DDX31: variants seen among roughly 807,000 people sequenced by gnomAD.
The protein encoded by DDX31 is DEAD-box helicase 31, also known as ATP-dependent DNA helicase DDX31.
A neutral mutation model predicts 91.3 loss-of-function variants in DDX31; 70 were observed. The ratio of observed to expected loss-of-function variants is 0.77; its 90% confidence interval spans 0.63 to 0.94. The LOEUF (loss-of-function observed/expected upper bound fraction) is 0.94. DDX31 is among the 40% of genes least tolerant of loss of function. The pLI is 0.00. For synonymous variants in DDX31, 362 were observed against 350.6 expected (o/e 1.03, Z -0.36); for missense variants, 902 against 925.0 (o/e 0.98, Z 0.32).
intron 9 of DDX31, 69 bp downstream of exon 9, chr9:132,650,165 C>G: frequency 2.7e-6 from 4 of 1,484,102 alleles, no homozygotes; most frequent in Non-Finnish European, 3.8e-6. Context: ...TTAGAAGGAC[C>G]CAGCCTTACT....
intron 19 of DDX31, among the ~76,000 whole-genome samples, chr9:132,600,939 A>C (rs965860209): frequency 6.6e-6 from 1 of 152,240 alleles, no homozygotes; most frequent in African/African-American, 2.4e-5. Context: ...AACAGCCTAC[A>C]GTGCGTTAGA....
chr9:132,656,368 A>AT (rs1834565288), intron 6 of DDX31, among the ~76,000 whole-genome samples: 2 of 152,186 alleles, frequency 1.3e-5, no homozygotes, highest in South Asian at 4.1e-4. Context: ...CCTGTTCGTG[A>AT]TTTTTTAAAA....
intron 1 of DDX31, among the ~76,000 whole-genome samples, chr9:132,666,693 G>T: frequency 6.7e-6 from 1 of 149,554 alleles, no homozygotes; most frequent in Non-Finnish European, 1.5e-5. Context: ...AGCTATTTTT[G>T]TGTTTGTTTT....
intron 19 of DDX31, among the ~76,000 whole-genome samples, chr9:132,606,396 C>A (rs542027201): frequency 6.6e-6 from 1 of 152,152 alleles, no homozygotes; most frequent in Non-Finnish European, 1.5e-5. Context: ...TTGAGGGACT[C>A]GGTTCCATGT....
chr9:132,661,355 G>A, intron 3 of DDX31, 104 bp from the exon 4 acceptor site: 1 of 1,012,674 alleles, frequency 9.9e-7, no homozygotes, highest in Non-Finnish European at 1.5e-6. Context: ...TGACTACTAT[G>A]ATCAAATTAA....
intron 16 of DDX31, among the ~76,000 whole-genome samples, chr9:132,626,316 A>T (rs747441422): frequency 1.2e-4 from 18 of 152,184 alleles, no homozygotes; most frequent in Non-Finnish European, 1.3e-4. Flanking sequence ...AGACCAAAGG[A>T]TCTCTAACGA....
chr9:132,599,438 A>G (rs558193000), intron 19 of DDX31, among the ~76,000 whole-genome samples: 96 of 152,374 alleles, frequency 6.3e-4, no homozygotes, highest in African/African-American at 2.3e-3. Flanking sequence ...GTATACGTGC[A>G]AAGTCTGAAG....
intron 19 of DDX31, among the ~76,000 whole-genome samples, chr9:132,609,679 T>G (rs1185627545): frequency 2.0e-5 from 3 of 152,106 alleles, no homozygotes; most frequent in Non-Finnish European, 4.4e-5. Flanking sequence ...TGGAGTGCAG[T>G]GGCGCGATCT....
At chr9:132,645,700 C>T (rs2033924410) in intron 13 of DDX31, among the ~76,000 whole-genome samples, 195 bp downstream of exon 13, 1 of 152,142 alleles carries the variant, frequency 6.6e-6, no homozygotes. Context: ...CCCCTTGCCC[C>T]CATCAATCCA....
chr9:132,625,200 T>C lies in DDX31; in HGVS notation c.1713+464A>G, dbSNP rs77688530. Among the ~76,000 whole-genome samples the C allele has an allele frequency of 2.7e-3, 404 of 152,280 alleles. 1 individual carries two copies. Among genetic ancestry groups the C allele is most frequent in the African/African-American group, 9.4e-3 (391 of 41,558 alleles). On this transcript the variant is annotated intron_variant, in intron 17 of 19. Coordinates refer to ENST00000372159, the MANE Select transcript of DDX31 (RefSeq NM_022779.9). ...AATTTTTCTTCTTAATGATCTCAAC[T>C]TTACTCTTCCTCTGTGGATAGCACA... is the stretch of plus-strand genomic sequence containing the variant.
intron 6 of DDX31, among the ~76,000 whole-genome samples, chr9:132,655,342 G>C (rs901995594): frequency 1.3e-5 from 2 of 152,122 alleles, no homozygotes; most frequent in African/African-American, 4.8e-5. Context: ...TAATTAAGGA[G>C]CCCAAAACAC....
At chr9:132,606,588 G>A (rs74329976) in intron 19 of DDX31, among the ~76,000 whole-genome samples, 2,556 of 152,256 alleles carry the variant, frequency 0.017, 76 homozygotes, top group African/African-American at 0.058. Context: ...CGGACACCAC[G>A]ATGTTTCCAC....
intron 14 of DDX31, among the ~76,000 whole-genome samples, chr9:132,639,121 T>A (rs1187681066): frequency 2.6e-5 from 4 of 151,048 alleles, no homozygotes; most frequent in Non-Finnish European, 5.9e-5. Flanking sequence ...GGACGCAGAG[T>A]GGCAGCATCT....
At chr9:132,598,441 T>C (rs1830554880) in intron 19 of DDX31, among the ~76,000 whole-genome samples, 1 of 152,126 alleles carries the variant, frequency 6.6e-6, no homozygotes. Context: ...GATCAGTTTA[T>C]CTAACCACAG....
chr9:132,609,502 G>A (rs948563554), intron 19 of DDX31, among the ~76,000 whole-genome samples: 2 of 152,172 alleles, frequency 1.3e-5, no homozygotes, highest in East Asian at 3.8e-4. Flanking sequence ...CTGAGGAGCT[G>A]CTATCTGGAT....
Position 132,632,102 on chromosome 9 carries a change from G to GAA in DDX31, c.1441-13_1441-12dup, listed in dbSNP as rs1225380932. On this transcript the variant is annotated splice_polypyrimidine_tract_variant and intron_variant, in intron 14 of 19. Transcript: ENST00000372159. ...CCGAGCTGCAACATCCTTTAACAAA[G>GAA]AAAAGAATATGGTTTAACACTGAGT... 1.2e-6 allele frequency: 2 copies of GAA among 1,611,930 alleles called. No homozygotes were observed. Among genetic ancestry groups the GAA allele is most frequent in the Admixed American group, 3.3e-5 (2 of 59,914 alleles).
chr9:132,633,331 C>T (rs1311310075), intron 14 of DDX31, among the ~76,000 whole-genome samples: 2 of 152,104 alleles, frequency 1.3e-5, no homozygotes, highest in African/African-American at 4.8e-5. Context: ...TGCATTTGCT[C>T]TTGACCCAGA....
chr9:132,603,261 T>G (rs971365485), intron 19 of DDX31, among the ~76,000 whole-genome samples: 4 of 152,222 alleles, frequency 2.6e-5, no homozygotes, highest in African/African-American at 9.6e-5. Flanking sequence ...GACTATTAAG[T>G]AGTTAACAAA....
intron 19 of DDX31, among the ~76,000 whole-genome samples, chr9:132,606,539 G>A (rs776397907): frequency 4.6e-5 from 7 of 152,204 alleles, no homozygotes; most frequent in Non-Finnish European, 8.8e-5. Context: ...CAATATGGTC[G>A]TTGTGATGAT....
Sources: gnomAD v4.1 joint callset for allele counts (sites outside exome capture counted in the v4.1 genomes callset) on GRCh38, gnomAD v4.1.1 for gene constraint, MANE v1.5 for transcripts, NCBI Gene and HGNC (gene_info 2026-07-23, HGNC 2026-07-21) for gene names.